The following KCTD1 variants were observed in gnomAD, a reference collection of about 807,000 sequenced individuals.
The protein encoded by KCTD1 is BTB/POZ domain-containing protein KCTD1.
A neutral mutation model predicts 66.0 loss-of-function variants in KCTD1; 24 were observed. The ratio of observed to expected loss-of-function variants is 0.36; its 90% CI spans 0.26 to 0.51. The LOEUF (loss-of-function observed/expected upper bound fraction) is 0.51, where lower values mean the gene tolerates loss of function less well. Among genes scored for constraint, KCTD1 ranks in the 20% least tolerant of loss-of-function variants. The pLI is 0.95. For synonymous variants in KCTD1, 511 were observed against 517.2 expected (o/e 0.99, Z 0.16); for missense variants, 943 against 1,205.2 (o/e 0.78, Z 3.22).
chr18:26,549,231 C>G, upstream of KCTD1: 1 of 986,440 alleles, frequency 1.0e-6, no homozygotes, highest in Non-Finnish European at 1.2e-6. Flanking sequence ...GCGGCGGCGG[C>G]TCCCCCACCT....
chr18:26,532,263 T>TTC (rs1261294554), intron 1 of KCTD1, among the ~76,000 whole-genome samples: 19 of 26,830 alleles, frequency 7.1e-4, no homozygotes, highest in South Asian at 1.5e-3. Flanking sequence ...CTTTCCTTCT[T>TTC]TTTTTTTTTT....
At chr18:26,636,688 G>C (rs976215756) in intron 1 of KCTD1, among the ~76,000 whole-genome samples, 2 of 152,188 alleles carry the variant, frequency 1.3e-5, no homozygotes, top group Non-Finnish European at 2.9e-5. Context: ...ACACTCACAT[G>C]ATCACCCATG....
rs1314722277 is a variant in KCTD1 at position 26,634,247 on chromosome 18, AC to A, written c.-106-5011del. ...ATGAATCATGGTAGTGCACCTCTAGACTAGCACACTGCCAAGGAAAAAGGAA... is the reference window on the plus strand; with the variant it reads ...ATGAATCATGGTAGTGCACCTCTAGATAGCACACTGCCAAGGAAAAAGGAA... On this transcript the variant is annotated intron_variant, in intron 1 of 5. Transcript: ENST00000579973. Among the ~76,000 whole-genome samples, 3 of 152,332 alleles carry A rather than the reference AC, an allele frequency of 2.0e-5. No homozygotes were observed. The East Asian group carries it at 5.8e-4, about 29-fold the overall frequency.
chr18:26,536,964 C>T (rs1984739731), intron 1 of KCTD1, among the ~76,000 whole-genome samples: 1 of 150,248 alleles, frequency 6.7e-6, no homozygotes, highest in South Asian at 2.2e-4. Flanking sequence ...GGATCATTAC[C>T]ACCCCCACCA....
At chr18:26,530,807 T>C (rs529841299) in intron 1 of KCTD1, among the ~76,000 whole-genome samples, 130 of 152,360 alleles carry the variant, frequency 8.5e-4, no homozygotes, top group African/African-American at 3.0e-3. Context: ...TTTTTCTTTA[T>C]GTGCTATTGG....
At chr18:26,619,491 G>T (rs985707743) in intron 1 of KCTD1, among the ~76,000 whole-genome samples, 1 of 152,144 alleles carries the variant, frequency 6.6e-6, no homozygotes, top group Non-Finnish European at 1.5e-5. Flanking sequence ...GACACTGTGG[G>T]TTGTCTCAGA....
intron 4 of KCTD1, 187 bp from the exon 5 acceptor site, chr18:26,456,088 T>C (rs1439616732): frequency 1.8e-6 from 1 of 569,728 alleles, no homozygotes; most frequent in African/African-American, 1.9e-5. Flanking sequence ...GCATTTCTAA[T>C]GCCTAAAATG....
intron 1 of KCTD1, among the ~76,000 whole-genome samples, chr18:26,536,653 T>G (rs1984722055): frequency 6.6e-6 from 1 of 152,204 alleles, no homozygotes; most frequent in South Asian, 2.1e-4. Context: ...GGACTTGCCC[T>G]AGGTATTCCA....
chr18:26,587,531 C>T (rs749858351), intron 1 of KCTD1, among the ~76,000 whole-genome samples: 27 of 152,106 alleles, frequency 1.8e-4, no homozygotes, highest in African/African-American at 4.3e-4. Flanking sequence ...CATTTCATAA[C>T]GTGATAACAG....
chr18:26,479,867 G>A (rs1476468299), intron 2 of KCTD1, among the ~76,000 whole-genome samples: 2 of 152,194 alleles, frequency 1.3e-5, no homozygotes, highest in Non-Finnish European at 2.9e-5. Context: ...GGCACAGGCT[G>A]TATTTCTTGT....
chr18:26,501,290 A>G, intron 1 of KCTD1, 40 bp from the exon 2 acceptor site: 1 of 1,551,186 alleles, frequency 6.4e-7, no homozygotes, highest in Non-Finnish European at 8.8e-7. Context: ...TTTTCTCTTT[A>G]CAGTAGAAAG....
chr18:26,611,614 A>T (rs1288413605), intron 1 of KCTD1, among the ~76,000 whole-genome samples: 2 of 152,132 alleles, frequency 1.3e-5, no homozygotes, highest in Non-Finnish European at 2.9e-5. Context: ...GCCTCCCAAA[A>T]TGTTGAGATT....
intron 1 of KCTD1, among the ~76,000 whole-genome samples, chr18:26,621,900 G>C (rs1987394671): frequency 1.3e-5 from 2 of 152,106 alleles, no homozygotes; most frequent in African/African-American, 2.4e-5. Flanking sequence ...TTCCAGAAAA[G>C]AGCCAAGAAG....
chr18:26,548,799 C>A (rs1045413174), upstream of KCTD1: 18 of 1,106,056 alleles, frequency 1.6e-5, no homozygotes, highest in African/African-American at 2.3e-4. Flanking sequence ...CTTCCTCCCC[C>A]ACCCGGCTCC....
At chr18:26,500,052 TAGA>T (rs1385241314) in intron 2 of KCTD1, among the ~76,000 whole-genome samples, 3 of 151,722 alleles carry the variant, frequency 2.0e-5, no homozygotes, top group African/African-American at 4.8e-5. Flanking sequence ...AAGGCCAAGG[TAGA>T]AGAATTGCCT....
chr18:26,568,384 G>A (rs150825739), intron 1 of KCTD1, among the ~76,000 whole-genome samples: 2,809 of 151,926 alleles, frequency 0.018, 65 homozygotes, highest in African/African-American at 0.054. Context: ...CTACAGGCAC[G>A]CACCACCACA....
chr18:26,628,357 C>T (rs893565318), intron 1 of KCTD1, among the ~76,000 whole-genome samples: 8 of 152,144 alleles, frequency 5.3e-5, no homozygotes, highest in African/African-American at 1.7e-4. Context: ...CACACACAGA[C>T]CTTTTTTCAT....
chr18:26,502,901 T>A (rs1266518496), intron 1 of KCTD1, among the ~76,000 whole-genome samples: 1 of 152,216 alleles, frequency 6.6e-6, no homozygotes, highest in Non-Finnish European at 1.5e-5. Flanking sequence ...AATATAAATT[T>A]GCAAAACATC....
intron 1 of KCTD1, among the ~76,000 whole-genome samples, chr18:26,626,247 A>G (rs1987498524): frequency 1.3e-5 from 2 of 152,140 alleles, no homozygotes; most frequent in African/African-American, 4.8e-5. Flanking sequence ...CAAACAGCTT[A>G]AGCCTATGCC....
Sources: allele counts gnomAD v4.1 joint callset (sites outside exome capture counted in the v4.1 genomes callset), GRCh38; gene constraint gnomAD v4.1.1; transcripts MANE v1.5; gene names NCBI Gene and HGNC (gene_info 2026-07-23, HGNC 2026-07-21).